CYTH3: variants seen among roughly 807,000 people sequenced by gnomAD.
CYTH3 encodes the protein cytohesin 3.
In CYTH3, 23 loss-of-function variants were observed where a neutral mutation model predicts 55.1. That is an observed-to-expected ratio of 0.42 (90% CI 0.30 to 0.59). CYTH3 has a LOEUF of 0.59. Ranked by LOEUF, CYTH3 falls within the 20% of genes least tolerant of loss-of-function variation. The pLI is 0.20. For synonymous variants in CYTH3, 249 were observed against 194.9 expected (o/e 1.28, Z -2.31); for missense variants, 413 against 524.8 (o/e 0.79, Z 2.08).
At chr7:6,214,169 G>A (rs759043189) in intron 1 of CYTH3, among the ~76,000 whole-genome samples, 1 of 152,232 alleles carries the variant, frequency 6.6e-6, no homozygotes, top group South Asian at 2.1e-4. Context: ...GGATCGATGA[G>A]AGACGGATAA....
chr7:6,256,886 G>A (rs7805483), intron 1 of CYTH3, among the ~76,000 whole-genome samples: 64 of 152,226 alleles, frequency 4.2e-4, no homozygotes, highest in African/African-American at 1.4e-3. Flanking sequence ...AACGTGTGGC[G>A]AGCAAGAGCT....
chr7:6,188,970 C>G (rs1012510884), intron 2 of CYTH3: 1 of 152,228 alleles, frequency 6.6e-6, no homozygotes. Flanking sequence ...CCAAGACACT[C>G]GGACTTAAAA....
Position 6,162,653 on chromosome 7 carries a change from A to T in CYTH3, c.*2291T>A, listed in dbSNP as rs1373436151. 6.6e-6 allele frequency: 1 copy of T among 152,228 alleles called. No individual in the cohort carries two copies. Among genetic ancestry groups the T allele is most frequent in the African/African-American group, 2.4e-5 (1 of 41,448 alleles). The allele number at this position is 152,228 out of a possible 1,614,324, so 9.4% of individuals were successfully genotyped here. On this transcript the variant is annotated 3_prime_UTR_variant, in exon 13 of 13. Transcript: ENST00000350796. ...GAGCTAGGCGATTTCCTTTGACCAC[A>T]AAGTACCTGGAGTCTAACTCAGCAC... is the stretch of plus-strand genomic sequence containing the variant.
intron 1 of CYTH3, among the ~76,000 whole-genome samples, chr7:6,265,418 C>T (rs542067340): frequency 4.2e-4 from 63 of 151,778 alleles, no homozygotes; most frequent in Non-Finnish European, 7.8e-4. Context: ...CAAGACCAGC[C>T]TGGCCAATAT....
At position 6,177,843 on chromosome 7, in the gene CYTH3, A is replaced by C. The variant is rs768979781; in HGVS notation, c.348T>G (p.Ile116Met). Residue 116 changes from isoleucine (I) to methionine (M), a missense_variant, in exon 5 of 13, where the codon ATT becomes ATG. Transcript: ENST00000350796. ...CTCACCTTTCACCCAGGTAGTCCCC[A>C]ATGACGGTCTTATTTAGGCCTTCTC... ...YKGEGLNKTVIGDYLGERDEF... is the reference protein window; with the variant it reads ...YKGEGLNKTVMGDYLGERDEF... 1 of 1,614,026 alleles carries C rather than the reference A, an allele frequency of 6.2e-7. No individual in the cohort carries two copies. The highest frequency in any genetic ancestry group is 8.5e-7 in the Non-Finnish European group (1 of 1,179,918).
intron 5 of CYTH3, among the ~76,000 whole-genome samples, chr7:6,174,591 A>T (rs1583741755): frequency 8.3e-6 from 1 of 120,472 alleles, no homozygotes. Flanking sequence ...TCTGCTGCCC[A>T]GGCTGGAGTG....
intron 1 of CYTH3, among the ~76,000 whole-genome samples, chr7:6,198,684 G>C (rs1783993299): frequency 6.6e-6 from 1 of 151,712 alleles, no homozygotes; most frequent in Non-Finnish European, 1.5e-5. Flanking sequence ...TTTTTGAATG[G>C]ATAAAGTAAT....
intron 1 of CYTH3, among the ~76,000 whole-genome samples, chr7:6,271,554 G>A (rs182776850): frequency 6.6e-6 from 1 of 151,586 alleles, no homozygotes; most frequent in Non-Finnish European, 1.5e-5. Flanking sequence ...TTAACCCTTT[G>A]CTTTCCAAAG....
intron 1 of CYTH3, among the ~76,000 whole-genome samples, chr7:6,271,270 T>G (rs1262035926): frequency 6.6e-6 from 1 of 152,142 alleles, no homozygotes; most frequent in Non-Finnish European, 1.5e-5. Context: ...CTGCATCGCG[T>G]CTTTCAGCAA....
chr7:6,198,851 A>C (rs1270093256), intron 1 of CYTH3, among the ~76,000 whole-genome samples: 1 of 151,936 alleles, frequency 6.6e-6, no homozygotes, highest in African/African-American at 2.4e-5. Flanking sequence ...GAATGCACCC[A>C]CCACGAGCTT....
rs58348830 is a variant in CYTH3 at position 6,180,813 on chromosome 7, G to A, written c.250-2872C>T. The stretch of plus-strand genomic sequence containing the variant: ...CACTACACCTACTCTATCTTTTTCT[G>A]TTTCTCTTCTAGGTGTGGGTCTCAA... On this transcript the variant is annotated intron_variant, in intron 4 of 12. Transcript: ENST00000350796. Among the ~76,000 whole-genome samples the A allele has an allele frequency of 5.0e-3, 757 of 152,234 alleles. 34 individuals carry two copies. The East Asian group carries it at 0.1, about 21-fold the overall frequency.
chr7:6,230,613 G>C (rs1245551736), intron 1 of CYTH3, among the ~76,000 whole-genome samples: 4 of 152,116 alleles, frequency 2.6e-5, no homozygotes, highest in African/African-American at 2.4e-5. Context: ...CACAATACTA[G>C]ACACAGCAAG....
intron 4 of CYTH3, among the ~76,000 whole-genome samples, chr7:6,186,061 A>G (rs190860178): frequency 0.012 from 1,860 of 151,662 alleles, 46 homozygotes; most frequent in African/African-American, 0.042. Context: ...TGGCTAACAC[A>G]GTGAAACCCC....
intron 1 of CYTH3, among the ~76,000 whole-genome samples, chr7:6,241,480 C>T (rs1238351898): frequency 3.9e-5 from 6 of 152,224 alleles, no homozygotes; most frequent in Non-Finnish European, 5.9e-5. Context: ...GTGTAAAAAA[C>T]AGTGAGTGTG....
intron 4 of CYTH3, among the ~76,000 whole-genome samples, chr7:6,185,544 C>A (rs975289719): frequency 2.6e-5 from 4 of 151,706 alleles, no homozygotes; most frequent in Non-Finnish European, 4.4e-5. Flanking sequence ...AAAAAAAATA[C>A]AAAAAATTAG....
At chr7:6,213,706 G>A (rs565032619) in intron 1 of CYTH3, among the ~76,000 whole-genome samples, 1 of 152,048 alleles carries the variant, frequency 6.6e-6, no homozygotes, top group South Asian at 2.1e-4. Context: ...TCGGGTGTCT[G>A]AAGACACAAT....
chr7:6,271,128 C>A (rs914572449), intron 1 of CYTH3, among the ~76,000 whole-genome samples: 5 of 152,074 alleles, frequency 3.3e-5, no homozygotes, highest in Admixed American at 2.6e-4. Flanking sequence ...GGAGGGTTCG[C>A]AACTGGGCGC....
Position 6,187,001 on chromosome 7 carries a change from T to TCA in CYTH3, c.249+47_249+48dup, listed in dbSNP as rs1289020650. The stretch of plus-strand genomic sequence containing the variant: ...TCCAAAAGGGAAACGGCAGTTCAAA[T>TCA]CAATTAGTCCATCTCCTGCAGGCCA... On this transcript the variant is annotated intron_variant, in intron 4 of 12. Transcript: ENST00000350796. 4 of 1,578,254 alleles carry TCA rather than the reference T, an allele frequency of 2.5e-6. No homozygotes were observed. In the African/African-American group the frequency reaches 5.4e-5, roughly 21 times the overall value.
intron 4 of CYTH3, among the ~76,000 whole-genome samples, chr7:6,183,001 G>A (rs1190349745): frequency 6.6e-6 from 1 of 152,240 alleles, no homozygotes; most frequent in Non-Finnish European, 1.5e-5. Flanking sequence ...TGCCTCCAGT[G>A]ATCTGGAAGA....
Sources: gnomAD v4.1 joint callset for allele counts (sites outside exome capture counted in the v4.1 genomes callset) on GRCh38, gnomAD v4.1.1 for gene constraint, MANE v1.5 for transcripts, NCBI Gene and HGNC (gene_info 2026-07-23, HGNC 2026-07-21) for gene names.